ZFYVE9: variants seen among roughly 807,000 people sequenced by gnomAD.
The protein encoded by ZFYVE9 is zinc finger FYVE-type containing 9.
In ZFYVE9, 43 loss-of-function variants were observed where a neutral mutation model predicts 126.7. The ratio of observed to expected loss-of-function variants is 0.34; its 90% CI spans 0.27 to 0.44. The LOEUF (loss-of-function observed/expected upper bound fraction) is 0.44, where lower values mean the gene tolerates loss of function less well. Among genes scored for constraint, ZFYVE9 ranks in the 20% least tolerant of loss-of-function variants. The pLI is 1.00. For synonymous variants in ZFYVE9, 521 were observed against 597.4 expected (o/e 0.87, Z 1.87); for missense variants, 1,476 against 1,697.0 (o/e 0.87, Z 2.29).
chr1:52,165,639 G>T (rs1399720494), intron 1 of ZFYVE9, among the ~76,000 whole-genome samples: 1 of 152,188 alleles, frequency 6.6e-6, no homozygotes, highest in Non-Finnish European at 1.5e-5. Context: ...TTCAATCAGA[G>T]CACTTTTCTG....
intron 4 of ZFYVE9, among the ~76,000 whole-genome samples, chr1:52,256,158 T>C: frequency 6.6e-6 from 1 of 150,416 alleles, no homozygotes; most frequent in East Asian, 2.0e-4. Flanking sequence ...CTCCACCTCC[T>C]GGGTTCAAGT....
At chr1:52,163,836 G>A (rs1246542547) in intron 1 of ZFYVE9, among the ~76,000 whole-genome samples, 1 of 151,870 alleles carries the variant, frequency 6.6e-6, no homozygotes, top group Admixed American at 6.6e-5. Flanking sequence ...AGTTAAATAC[G>A]ATAAGACCAA....
chr1:52,333,791 TAAAA>T (rs547487941), intron 14 of ZFYVE9, among the ~76,000 whole-genome samples: 1 of 122,996 alleles, frequency 8.1e-6, no homozygotes, highest in East Asian at 2.3e-4. Flanking sequence ...CCCTGTCTCT[TAAAA>T]AAAAAAAAAA....
At position 52,160,557 on chromosome 1, in the gene ZFYVE9, C is replaced by G; in HGVS notation, c.-143+18154C>G. The stretch of plus-strand genomic sequence containing the variant: ...CCCTTGTGACACGCCTCAAGTGCTG[C>G]TCTCATGACCTTCACATTACCAATA... On this transcript the variant is annotated intron_variant, in intron 1 of 18. Coordinates refer to ENST00000287727, the MANE Select transcript of ZFYVE9 (RefSeq NM_004799.4). 14 of 756,734 alleles carry G rather than the reference C, an allele frequency of 1.9e-5. No homozygotes were observed. In the South Asian group the frequency reaches 2.0e-4, roughly 11 times the overall value. 46.9% of individuals were successfully genotyped at this position (756,734 alleles called of 1,614,324 possible).
At chr1:52,289,895 A>G (rs1645900840) in intron 10 of ZFYVE9, among the ~76,000 whole-genome samples, 1 of 152,218 alleles carries the variant, frequency 6.6e-6, no homozygotes, top group Non-Finnish European at 1.5e-5. Flanking sequence ...CAGAAAGGAA[A>G]TCAGTATCTG....
chr1:52,296,176 T>TACACAC (rs148768305), intron 12 of ZFYVE9, among the ~76,000 whole-genome samples, 199 bp downstream of exon 12: 90 of 150,244 alleles, frequency 6.0e-4, no homozygotes, highest in African/African-American at 2.1e-3. Flanking sequence ...TTCATATGTA[T>TACACAC]ACACACACAC....
At chr1:52,333,549 C>T (rs1045459060) in intron 14 of ZFYVE9, among the ~76,000 whole-genome samples, 1 of 152,106 alleles carries the variant, frequency 6.6e-6, no homozygotes, top group Non-Finnish European at 1.5e-5. Context: ...AGTGCACATT[C>T]GACTTTGAGA....
At chr1:52,233,097 A>G in intron 2 of ZFYVE9, 74 bp from the exon 3 acceptor site, 1 of 577,652 alleles carries the variant, frequency 1.7e-6, no homozygotes, top group Non-Finnish European at 2.6e-6. Flanking sequence ...AAGAGATTTT[A>G]TCCTTGTGTA....
intron 1 of ZFYVE9, among the ~76,000 whole-genome samples, chr1:52,181,616 G>A (rs1396537090): frequency 6.6e-6 from 1 of 151,178 alleles, no homozygotes; most frequent in Non-Finnish European, 1.5e-5. Context: ...CTGCCCGCCC[G>A]CCATCCCATC....
chr1:52,253,895 G>GC, intron 4 of ZFYVE9: 1 of 1,128,646 alleles, frequency 8.9e-7, no homozygotes, highest in Non-Finnish European at 1.4e-6. Flanking sequence ...TATACTCCAA[G>GC]CAAGATTTCA....
chr1:52,227,696 A>G (rs555264066), intron 2 of ZFYVE9, among the ~76,000 whole-genome samples: 12 of 152,338 alleles, frequency 7.9e-5, no homozygotes, highest in Admixed American at 3.9e-4. Flanking sequence ...AGAAGACTTA[A>G]TATCATTCTT....
At chr1:52,176,189 T>C (rs1429179846) in intron 1 of ZFYVE9, among the ~76,000 whole-genome samples, 1 of 152,190 alleles carries the variant, frequency 6.6e-6, no homozygotes, top group Non-Finnish European at 1.5e-5. Context: ...GGATGTCCTT[T>C]CTGTTTGTTA....
At chr1:52,285,548 C>T (rs1232172497) in intron 10 of ZFYVE9, among the ~76,000 whole-genome samples, 2 of 152,078 alleles carry the variant, frequency 1.3e-5, no homozygotes, top group South Asian at 2.1e-4. Flanking sequence ...GTGAACTGCG[C>T]GTGTGAGGGA....
chr1:52,254,822 G>A (rs904825985), intron 4 of ZFYVE9, among the ~76,000 whole-genome samples: 4 of 151,970 alleles, frequency 2.6e-5, no homozygotes, highest in Admixed American at 2.0e-4. Context: ...AAAAAATGGC[G>A]GGATGTGGTG....
intron 1 of ZFYVE9, among the ~76,000 whole-genome samples, chr1:52,205,267 G>A (rs1304432733): frequency 1.3e-5 from 2 of 151,762 alleles, no homozygotes; most frequent in African/African-American, 4.8e-5. Flanking sequence ...TAGCGATAGG[G>A]TTTTGCAAAG....
chr1:52,243,584 A>G (rs1645356046), intron 4 of ZFYVE9, among the ~76,000 whole-genome samples: 2 of 152,190 alleles, frequency 1.3e-5, no homozygotes, highest in Non-Finnish European at 2.9e-5. Context: ...TATTCAACAA[A>G]CTGAAGGAAC....
intron 13 of ZFYVE9, among the ~76,000 whole-genome samples, chr1:52,316,483 CAA>C (rs34497476): frequency 1.1e-4 from 9 of 80,742 alleles, no homozygotes; most frequent in Admixed American, 2.7e-4. Context: ...AGACTGGTCT[CAA>C]AAAAAAAAAA....
At chr1:52,168,496 C>T (rs112266733) in intron 1 of ZFYVE9, among the ~76,000 whole-genome samples, 1,573 of 150,516 alleles carry the variant, frequency 0.01, 25 homozygotes, top group African/African-American at 0.036. Flanking sequence ...GGATTACAGG[C>T]GTGAGCCACT....
chr1:52,180,144 C>G lies in ZFYVE9; in HGVS notation c.-142-36225C>G, dbSNP rs1644683923. On this transcript the variant is annotated intron_variant, in intron 1 of 18. Coordinates refer to ENST00000287727, the MANE Select transcript of ZFYVE9 (RefSeq NM_004799.4). ...GGAGATCTCAGGGAAGGATTATGTT[C>G]AAGAAGTTACCAAAGCCAGTGAGGG... 3 of 1,158,252 alleles carry G rather than the reference C, an allele frequency of 2.6e-6. No individual in the cohort carries two copies. In the East Asian group the frequency reaches 7.0e-5, roughly 27 times the overall value. The allele number at this position is 1,158,252 out of a possible 1,614,324, so 71.7% of individuals were successfully genotyped here. A position where few individuals can be genotyped will look rare whatever the true frequency, so the allele number is the denominator to read the frequency against.
Sources: gnomAD v4.1 joint callset for allele counts (sites outside exome capture counted in the v4.1 genomes callset) on GRCh38, gnomAD v4.1.1 for gene constraint, MANE v1.5 for transcripts, NCBI Gene and HGNC (gene_info 2026-07-23, HGNC 2026-07-21) for gene names.